Variants in SPRTN observed in about 807,000 individuals in gnomAD.
SPRTN encodes the protein DNA-dependent metalloprotease SPRTN.
A neutral mutation model predicts 31.9 loss-of-function variants in SPRTN; 11 were observed. That is an observed-to-expected ratio of 0.34 (90% CI 0.22 to 0.57). The LOEUF is 0.57. Among genes scored for constraint, SPRTN ranks in the 20% least tolerant of loss-of-function variants. The pLI is 0.86. For synonymous variants in SPRTN, 185 were observed against 212.1 expected (o/e 0.87, Z 1.11); for missense variants, 482 against 590.1 (o/e 0.82, Z 1.90).
At chr1:231,349,896 C>T (rs757951747) in intron 3 of SPRTN, among the ~76,000 whole-genome samples, 13 of 152,070 alleles carry the variant, frequency 8.5e-5, no homozygotes, top group East Asian at 7.7e-4. Flanking sequence ...CCTGTATTCG[C>T]GGCTACTCGA....
intron 2 of SPRTN, among the ~76,000 whole-genome samples, chr1:231,346,000 A>G (rs1270152166): frequency 6.6e-6 from 1 of 151,818 alleles, no homozygotes; most frequent in Non-Finnish European, 1.5e-5. Flanking sequence ...TTTTTTGTAG[A>G]GACAAGGTCT....
In SPRTN at chr1:231,339,856, G is replaced by A. The variant is rs202096749; in HGVS notation, c.309G>A (p.Lys103=). 1.2e-6 allele frequency: 2 copies of A among 1,614,094 alleles called. No individual in the cohort carries two copies. The highest frequency in any genetic ancestry group is 2.2e-5 in the East Asian group (1 of 44,884). ...SEPLLKLRPR[K]DLVETLLHEM... The stretch of plus-strand genomic sequence containing the variant: ...CCCTTTTGAAGTTGAGGCCAAGAAA[G>A]GATCTTGTAGAGGTATTTTTCGTGT... The change falls in exon 2 of 5, where the codon AAG becomes AAA. Residue 103 remains lysine (K), a synonymous_variant. Transcript: ENST00000295050.
rs541154200 is a variant in SPRTN, at chr1:231,353,125, G to C, written c.1234G>C (p.Glu412Gln). ...DTFPNKRPRLEDKTVFDNFFI... is the reference protein window; with the variant it reads ...DTFPNKRPRLQDKTVFDNFFI... ...ATTCCCAAATAAACGACCTAGGCTAGAAGATAAGACTGTTTTTGACAATTT... is the reference window on the plus strand; with the variant it reads ...ATTCCCAAATAAACGACCTAGGCTACAAGATAAGACTGTTTTTGACAATTT... The change falls in exon 5 of 5, where the codon GAA becomes CAA. Residue 412 changes from glutamate to glutamine, a missense_variant. Glu to Gln is a conservative substitution (Grantham distance 29). Around this residue, in one of 2 missense-constraint regions of SPRTN, gnomAD observed 325 missense variants for 350.2 expected, o/e 0.93. Coordinates refer to ENST00000295050, the MANE Select transcript of SPRTN (RefSeq NM_032018.7). The C allele has an allele frequency of 6.2e-7, 1 of 1,613,066 alleles. No homozygotes were observed. Among genetic ancestry groups the C allele is most frequent in the South Asian group, 1.1e-5 (1 of 90,834 alleles).
intron 2 of SPRTN, 183 bp from the exon 3 acceptor site, chr1:231,347,614 T>A: frequency 1.6e-6 from 1 of 642,306 alleles, no homozygotes; most frequent in Non-Finnish European, 2.4e-6. Flanking sequence ...CCCTCCCACC[T>A]TTGCCTCCCA....
chr1:231,354,889 A>G lies in SPRTN; in HGVS notation c.*1528A>G, dbSNP rs1204642281. The G allele has an allele frequency of 4.4e-6, 2 of 458,054 alleles. No homozygotes were observed. The highest frequency in any genetic ancestry group is 2.1e-5 in the African/African-American group (1 of 46,986). The allele number at this position is 458,054 out of a possible 1,614,324, so 28.4% of individuals were successfully genotyped here. A position where few individuals can be genotyped will look rare whatever the true frequency, so the allele number is the denominator to read the frequency against. On this transcript the variant is annotated 3_prime_UTR_variant, in exon 5 of 5. Transcript: ENST00000295050. Reference sequence around the variant, plus strand: ...CTGCCAGTTTACACTCCTACCAGCAATGTATGAGAGTTTTAGTTGTTCACC... The same window carrying G: ...CTGCCAGTTTACACTCCTACCAGCAGTGTATGAGAGTTTTAGTTGTTCACC...
chr1:231,351,343 C>T lies in SPRTN; in HGVS notation c.490C>T (p.Arg164Ter). Residue 164 changes from arginine (R) to a stop codon, truncating the protein, a stop_gained, in exon 4 of 5, where the codon CGA (arginine) becomes TGA (stop). Coordinates refer to ENST00000295050, the MANE Select transcript of SPRTN (RefSeq NM_032018.7). LOFTEE classifies it high-confidence loss of function. ...TFHDEVDEYRRHWWRCNGPCQ... is the reference protein window; with the variant it reads ...TFHDEVDEYR ...TCACGATGAGGTGGATGAGTATCGG[C>T]GACACTGGTGGCGCTGCAATGGGCC... The T allele has an allele frequency of 1.9e-6, 3 of 1,613,208 alleles. No homozygotes were observed. Among genetic ancestry groups the T allele is most frequent in the Non-Finnish European group, 2.5e-6 (3 of 1,179,524 alleles).
At chr1:231,349,739 G>T (rs935282105) in intron 3 of SPRTN, among the ~76,000 whole-genome samples, 1 of 152,212 alleles carries the variant, frequency 6.6e-6, no homozygotes, top group African/African-American at 2.4e-5. Flanking sequence ...GCTGGGTGTG[G>T]TGGCTCACGC....
intron 3 of SPRTN, 151 bp downstream of exon 3, chr1:231,348,076 C>T: frequency 3.8e-6 from 4 of 1,063,620 alleles, no homozygotes; most frequent in Non-Finnish European, 5.3e-6. Flanking sequence ...ATTGGCTTGT[C>T]TGGGACTACA....
At chr1:231,339,659 C>A in intron 1 of SPRTN, 110 bp from the exon 2 acceptor site, 2 of 1,102,504 alleles carry the variant, frequency 1.8e-6, no homozygotes, top group Non-Finnish European at 2.8e-6. Context: ...GGGGGGTATA[C>A]TTTCATGAAA....
chr1:231,352,659 A>G lies in SPRTN; in HGVS notation c.768A>G (p.Lys256=). 2 of 1,609,030 alleles carry G rather than the reference A, an allele frequency of 1.2e-6. No individual in the cohort carries two copies. Among genetic ancestry groups the G allele is most frequent in the Middle Eastern group, 1.7e-4 (1 of 6,018 alleles). ...AGCTAGTAATCCCTTTTAGTGGGAA[A>G]GGATATGTTCTAGGAGAAACAAGCA... is the stretch of plus-strand genomic sequence containing the variant. ...EAQLVIPFSG[K]GYVLGETSNL... is the part of the protein sequence containing the mutation. The change falls in exon 5 of 5, where the codon AAA becomes AAG. Residue 256 remains lysine, a synonymous_variant. Coordinates refer to ENST00000295050, the MANE Select transcript of SPRTN (RefSeq NM_032018.7).
chr1:231,346,395 C>G (rs1687064900), intron 2 of SPRTN, among the ~76,000 whole-genome samples: 2 of 146,042 alleles, frequency 1.4e-5, no homozygotes, highest in Non-Finnish European at 3.0e-5. Context: ...TTAGTAGAGA[C>G]AGGGTTTCAC....
Position 231,351,557 on chromosome 1 carries a change from C to T in SPRTN, c.704C>T (p.Ala235Val). ...AAACTAGGAAAGGAACCAGTATTGG[C>T]CGCAGAGAATAAAGGTACCTTCGTG... ...KAKLGKEPVL[A>V]AENKDKPNRG... The change falls in exon 4 of 5, where the codon GCC becomes GTC. Residue 235 changes from alanine to valine, a missense_variant. Ala to Val is a moderately conservative substitution (Grantham distance 64). Coordinates refer to ENST00000295050, the MANE Select transcript of SPRTN (RefSeq NM_032018.7). The T allele has an allele frequency of 6.2e-7, 1 of 1,614,002 alleles. No individual in the cohort carries two copies. The highest frequency in any genetic ancestry group is 8.5e-7 in the Non-Finnish European group (1 of 1,180,008).
intron 2 of SPRTN, among the ~76,000 whole-genome samples, chr1:231,344,048 G>A (rs1686978544): frequency 6.6e-6 from 1 of 152,038 alleles, no homozygotes; most frequent in Admixed American, 6.6e-5. Flanking sequence ...TATTTAAAAA[G>A]TTCAGTACCA....
At chr1:231,349,383 T>C (rs891078269) in intron 3 of SPRTN, among the ~76,000 whole-genome samples, 5 of 152,216 alleles carry the variant, frequency 3.3e-5, no homozygotes, top group African/African-American at 1.2e-4. Context: ...TTGCAGTTTT[T>C]AAAAAAATCA....
intron 3 of SPRTN, among the ~76,000 whole-genome samples, chr1:231,350,461 G>T (rs1489424557): frequency 6.6e-6 from 1 of 151,970 alleles, no homozygotes; most frequent in Non-Finnish European, 1.5e-5. Flanking sequence ...TTTTCAGTCA[G>T]GTCTTTTCCC....
At chr1:231,348,257 A>G (rs1687121883) in intron 3 of SPRTN, among the ~76,000 whole-genome samples, 1 of 152,198 alleles carries the variant, frequency 6.6e-6, no homozygotes, top group South Asian at 2.1e-4. Flanking sequence ...GTATCCTGCT[A>G]CCATTGCAGA....
At position 231,352,833 on chromosome 1, in the gene SPRTN, T is replaced by A. The variant is rs1262627293; in HGVS notation, c.942T>A (p.His314Gln). 1 of 1,613,836 alleles carries A rather than the reference T, an allele frequency of 6.2e-7. No homozygotes were observed. Among genetic ancestry groups the A allele is most frequent in the East Asian group, 2.2e-5 (1 of 44,872 alleles). Residue 314 changes from histidine to glutamine, a missense_variant, in exon 5 of 5, where the codon CAT becomes CAA. This residue lies in a region of SPRTN where 325 missense variants were observed against 350.2 expected (regional missense o/e 0.93). Transcript: ENST00000295050. Reference protein sequence around the residue: ...FEQNGSSKNSHLVSPAVSNSH... With the variant: ...FEQNGSSKNSQLVSPAVSNSH... The stretch of plus-strand genomic sequence containing the variant: ...AGAATGGTTCAAGTAAAAATTCTCA[T>A]CTGGTCTCCCCTGCTGTTAGTAACA...
intron 3 of SPRTN, among the ~76,000 whole-genome samples, chr1:231,349,293 A>G (rs1035699092): frequency 4.6e-5 from 7 of 151,972 alleles, no homozygotes; most frequent in Admixed American, 6.6e-5. Context: ...ATGTATTACT[A>G]TTTTCTAGCT....
Position 231,351,434 on chromosome 1 carries a change from A to G in SPRTN, c.581A>G (p.His194Arg), listed in dbSNP as rs1356202952. The change falls in exon 4 of 5, where the codon CAT (histidine) becomes CGT (arginine). Residue 194 changes from histidine (H) to arginine (R), a missense_variant. His to Arg is a conservative substitution (Grantham distance 29). Coordinates refer to ENST00000295050, the MANE Select transcript of SPRTN (RefSeq NM_032018.7). The part of the protein sequence containing the change: ...KRATNREPSA[H>R]DYWWAEHQKT... ...GCTACTAACAGGGAACCCTCTGCTC[A>G]TGACTATTGGTGGGCTGAGCACCAG... 1.2e-6 allele frequency: 2 copies of G among 1,614,176 alleles called. No homozygotes were observed. Among genetic ancestry groups the G allele is most frequent in the Non-Finnish European group, 1.7e-6 (2 of 1,180,016 alleles).
Sources: allele counts gnomAD v4.1 joint callset (sites outside exome capture counted in the v4.1 genomes callset), GRCh38; gene constraint gnomAD v4.1.1; regional missense constraint gnomAD v4.1.1; transcripts MANE v1.5; gene names NCBI Gene and HGNC (gene_info 2026-07-23, HGNC 2026-07-21).